SLC9A9: variants seen among roughly 807,000 people sequenced by gnomAD.
SLC9A9 encodes the protein sodium/hydrogen exchanger 9.
A neutral mutation model predicts 77.8 loss-of-function variants in SLC9A9; 62 were observed. That is an observed-to-expected ratio of 0.80 (90% confidence interval 0.65 to 0.98). The LOEUF (loss-of-function observed/expected upper bound fraction) is 0.98. SLC9A9 is among the 50% of genes least tolerant of loss of function. The pLI, the probability that SLC9A9 is intolerant of heterozygous loss-of-function variation, is 0.00. For synonymous variants in SLC9A9, 320 were observed against 283.5 expected, an observed-to-expected ratio of 1.13 and a Z score of -1.29; for missense variants, 775 against 774.9, an observed-to-expected ratio of 1.00 and a Z score of 0.00.
intron 9 of SLC9A9, chr3:143,504,165 G>T (rs2035972559): frequency 8.5e-6 from 3 of 352,520 alleles, no homozygotes; most frequent in South Asian, 7.9e-5. Context: ...GGACAGTGAG[G>T]GGGGTTGTTG....
intron 3 of SLC9A9, among the ~76,000 whole-genome samples, chr3:143,795,395 A>G (rs11706302): frequency 0.15 from 22,348 of 152,076 alleles, 1,950 homozygotes; most frequent in South Asian, 0.29. Flanking sequence ...TGTCTATGCC[A>G]GAATCGGGGC....
At chr3:143,623,383 A>G (rs1191585208) in intron 6 of SLC9A9, among the ~76,000 whole-genome samples, 7 of 152,230 alleles carry the variant, frequency 4.6e-5, no homozygotes, top group Admixed American at 2.0e-4. Context: ...TCCTCAGCAA[A>G]TGTAAAAGAA....
intron 6 of SLC9A9, among the ~76,000 whole-genome samples, chr3:143,613,714 C>T (rs2038055541): frequency 7.3e-6 from 1 of 137,182 alleles, no homozygotes; most frequent in Non-Finnish European, 1.6e-5. Context: ...CACAGACATG[C>T]CTCTCTTTTT....
At chr3:143,761,318 C>T (rs1229920692) in intron 4 of SLC9A9, among the ~76,000 whole-genome samples, 2 of 152,090 alleles carry the variant, frequency 1.3e-5, no homozygotes, top group African/African-American at 4.8e-5. Context: ...AAAGCCATGG[C>T]AACAAAAGCC....
chr3:143,721,591 A>T (rs1220511922), intron 4 of SLC9A9, among the ~76,000 whole-genome samples: 2 of 152,084 alleles, frequency 1.3e-5, no homozygotes, highest in Non-Finnish European at 2.9e-5. Context: ...GGCACTCAGG[A>T]GGGTGGTGTA....
intron 4 of SLC9A9, among the ~76,000 whole-genome samples, chr3:143,736,240 C>T (rs1226576354): frequency 6.6e-6 from 1 of 152,116 alleles, no homozygotes; most frequent in African/African-American, 2.4e-5. Context: ...CTTCTTTGTA[C>T]CTGCTTGTAA....
intron 4 of SLC9A9, among the ~76,000 whole-genome samples, chr3:143,708,466 C>T (rs1470602036): frequency 6.6e-6 from 1 of 152,160 alleles, no homozygotes; most frequent in African/African-American, 2.4e-5. Context: ...TGAGTTAGCT[C>T]CTCACCTTTC....
At chr3:143,448,801 T>C (rs1213942267) in intron 12 of SLC9A9, among the ~76,000 whole-genome samples, 3 of 137,440 alleles carry the variant, frequency 2.2e-5, no homozygotes, top group East Asian at 2.0e-4. Context: ...TTAATACAAA[T>C]GTAAATAATT....
chr3:143,305,476 G>C (rs1445262961), intron 14 of SLC9A9, among the ~76,000 whole-genome samples: 1 of 152,164 alleles, frequency 6.6e-6, no homozygotes, highest in Non-Finnish European at 1.5e-5. Flanking sequence ...TAGGACTTGA[G>C]GATTTGAACT....
At chr3:143,741,927 C>T (rs1326923450) in intron 4 of SLC9A9, among the ~76,000 whole-genome samples, 1 of 152,078 alleles carries the variant, frequency 6.6e-6, no homozygotes, top group African/African-American at 2.4e-5. Flanking sequence ...ATAGTTTAAA[C>T]AAAGATGGTA....
Position 143,848,465 on chromosome 3 carries a change from G to A in SLC9A9, c.-143C>T, listed in dbSNP as rs956708499. 7 of 1,057,276 alleles carry A rather than the reference G, an allele frequency of 6.6e-6. No homozygotes were observed. In the African/African-American group the frequency reaches 7.9e-5, roughly 12 times the overall value. 65.5% of individuals were successfully genotyped at this position (1,057,276 alleles called of 1,614,324 possible). ...GCTACTTCACAAGCATTCTGCCCTG[G>A]CTTAGTATTCAGATGGCTTCTAGTT... On this transcript the variant is annotated 5_prime_UTR_variant, in exon 1 of 16. Coordinates refer to ENST00000316549, the MANE Select transcript of SLC9A9 (RefSeq NM_173653.4).
At chr3:143,828,902 T>G (rs550877232) in intron 2 of SLC9A9, among the ~76,000 whole-genome samples, 22 of 152,304 alleles carry the variant, frequency 1.4e-4, no homozygotes, top group Admixed American at 1.0e-3. Context: ...AATCCCTAAC[T>G]CATTTGCCCA....
intron 13 of SLC9A9, among the ~76,000 whole-genome samples, chr3:143,373,605 TAAAAAAA>T (rs67376157): frequency 1.7e-5 from 1 of 58,622 alleles, no homozygotes; most frequent in African/African-American, 7.3e-5. Flanking sequence ...ACTGAAATAG[TAAAAAAA>T]AAAAAAAAAA....
intron 4 of SLC9A9, among the ~76,000 whole-genome samples, chr3:143,701,406 G>C (rs936934473): frequency 2.6e-5 from 4 of 151,982 alleles, no homozygotes; most frequent in Non-Finnish European, 5.9e-5. Context: ...AGAAATTCAA[G>C]ATAACACAGA....
intron 4 of SLC9A9, among the ~76,000 whole-genome samples, chr3:143,709,521 G>A (rs1312065315): frequency 6.6e-5 from 10 of 152,084 alleles, no homozygotes; most frequent in Non-Finnish European, 1.3e-4. Context: ...TGCTGTTTAA[G>A]CAAAATAGCT....
intron 4 of SLC9A9, among the ~76,000 whole-genome samples, chr3:143,794,669 A>T (rs989752219): frequency 6.6e-6 from 1 of 152,198 alleles, no homozygotes. Flanking sequence ...TCTCAATACA[A>T]GACAAAAAAG....
chr3:143,838,317 G>A (rs2361205), intron 1 of SLC9A9, among the ~76,000 whole-genome samples: 135,459 of 152,162 alleles, frequency 0.89, 61,507 homozygotes, highest in South Asian at 0.99. Context: ...GGAGCCCAGC[G>A]TCAATGACGC....
At chr3:143,460,533 C>T (rs1027316461) in intron 12 of SLC9A9, among the ~76,000 whole-genome samples, 1 of 152,038 alleles carries the variant, frequency 6.6e-6, no homozygotes, top group African/African-American at 2.4e-5. Flanking sequence ...TAATAAGTCT[C>T]CTTTAATAGA....
rs768886375 is a variant in SLC9A9 at position 143,682,763 on chromosome 3, C to G, written c.649+10429G>C. On this transcript the variant is annotated intron_variant, in intron 5 of 15. Coordinates refer to ENST00000316549, the MANE Select transcript of SLC9A9 (RefSeq NM_173653.4). ...ACCAAAATTTCTGGGCTCTTAGCCC[C>G]CTTCCTCCATCTTCAAAGTCAGCAA... is the stretch of plus-strand genomic sequence containing the variant. Among the ~76,000 whole-genome samples, 4 of 152,208 alleles carry G rather than the reference C, an allele frequency of 2.6e-5. No individual in the cohort carries two copies. In the South Asian group the frequency reaches 8.3e-4, roughly 32 times the overall value.
Sources: gnomAD v4.1 joint callset for allele counts (sites outside exome capture counted in the v4.1 genomes callset) on GRCh38, gnomAD v4.1.1 for gene constraint, MANE v1.5 for transcripts, NCBI Gene and HGNC (gene_info 2026-07-23, HGNC 2026-07-21) for gene names.